The following PLCG2 variants were observed in gnomAD, a reference collection of about 807,000 sequenced individuals.
PLCG2 encodes phospholipase C gamma 2.
PLCG2 carries 69 observed loss-of-function variants against 175.6 expected under a neutral mutation model. The ratio of observed to expected loss-of-function variants is 0.39; its 90% confidence interval spans 0.32 to 0.48. The LOEUF (loss-of-function observed/expected upper bound fraction) is 0.48. Ranked by LOEUF, PLCG2 falls within the 20% of genes least tolerant of loss-of-function variation. The pLI is 0.91. For missense variants in PLCG2, 1,798 were observed against 1,650.9 expected (o/e 1.09, Z -1.54); for synonymous variants, 827 against 624.0 (o/e 1.33, Z -4.85).
chr16:81,934,231 A>G (rs1165191399), intron 25 of PLCG2, among the ~76,000 whole-genome samples, 198 bp from the exon 26 acceptor site: 1 of 152,202 alleles, frequency 6.6e-6, no homozygotes, highest in Non-Finnish European at 1.5e-5. Flanking sequence ...TCGTGGAAAC[A>G]GCTTTGTCGA....
intron 23 of PLCG2, among the ~76,000 whole-genome samples, chr16:81,927,469 C>G (rs16955993): frequency 0.018 from 2,714 of 152,290 alleles, 72 homozygotes; most frequent in African/African-American, 0.063. Flanking sequence ...GGAATTTGTC[C>G]TTTGCTTAAG....
upstream of PLCG2, among the ~76,000 whole-genome samples, chr16:81,778,058 A>AC (rs1567457873): frequency 3.7e-5 from 4 of 109,488 alleles, no homozygotes; most frequent in African/African-American, 8.7e-5. Flanking sequence ...AAAAAAACAA[A>AC]AAAAACCAAA....
intron 2 of PLCG2, among the ~76,000 whole-genome samples, chr16:81,811,263 G>T (rs1021272543): frequency 1.3e-5 from 2 of 152,156 alleles, no homozygotes; most frequent in African/African-American, 4.8e-5. Context: ...CCTTCCTCGT[G>T]TGTGGGTGTA....
At chr16:81,756,507 G>T (rs1289955017) in intron 2 of PLCG2, among the ~76,000 whole-genome samples, 1 of 152,236 alleles carries the variant, frequency 6.6e-6, no homozygotes, top group African/African-American at 2.4e-5. Flanking sequence ...GAGGAGCCAA[G>T]CCTGTACTCA....
chr16:81,851,031 G>T (rs1309464758), intron 2 of PLCG2, among the ~76,000 whole-genome samples: 1 of 152,168 alleles, frequency 6.6e-6, no homozygotes. Context: ...GCTTGTAGTA[G>T]AAGTCCTCAG....
At chr16:81,910,830 C>T (rs1909590782) in intron 18 of PLCG2, 110 bp downstream of exon 18, 2 of 985,232 alleles carry the variant, frequency 2.0e-6, no homozygotes, top group Non-Finnish European at 3.1e-6. Context: ...ACACCCTCTC[C>T]CCAGCCCACC....
At chr16:81,774,536 A>G (rs1192957742), upstream of PLCG2, among the ~76,000 whole-genome samples, 3 of 151,962 alleles carry the variant, frequency 2.0e-5, no homozygotes, top group African/African-American at 7.2e-5. Flanking sequence ...GTCGCCACGG[A>G]TGTGTGCTTC....
At chr16:81,807,361 A>G (rs1904286024) in intron 2 of PLCG2, among the ~76,000 whole-genome samples, 1 of 152,176 alleles carries the variant, frequency 6.6e-6, no homozygotes, top group East Asian at 1.9e-4. Context: ...TGGGCTTCTC[A>G]GATCCTGGGC....
chr16:81,813,195 T>A (rs1037768722), intron 2 of PLCG2, among the ~76,000 whole-genome samples: 8 of 152,204 alleles, frequency 5.3e-5, no homozygotes, highest in African/African-American at 1.9e-4. Context: ...AAGTAGTTTC[T>A]AATTCTGTGA....
chr16:81,934,370 C>A, intron 25 of PLCG2, 59 bp from the exon 26 acceptor site: 1 of 1,036,464 alleles, frequency 9.6e-7, no homozygotes, highest in Non-Finnish European at 1.5e-6. Context: ...AAATGCAGGG[C>A]GAGCTGGGAA....
chr16:81,908,466 G>A lies in PLCG2; in HGVS notation c.1608G>A (p.Lys536=). The part of the protein sequence containing the change: ...LHFGEKWFHK[K]VEKRTSAEKL... Reference sequence around the variant, plus strand: ...TTGGGGAGAAATGGTTCCACAAGAAGGTGGAGAAGAGGACGAGTGCCGAGA... The same window carrying A: ...TTGGGGAGAAATGGTTCCACAAGAAAGTGGAGAAGAGGACGAGTGCCGAGA... The change falls in exon 17 of 33, where the codon AAG becomes AAA. Residue 536 remains lysine, a synonymous_variant. Coordinates refer to ENST00000564138, the MANE Select transcript of PLCG2 (RefSeq NM_002661.5). The A allele has an allele frequency of 6.2e-7, 1 of 1,614,138 alleles. No individual in the cohort carries two copies. Among genetic ancestry groups the A allele is most frequent in the African/African-American group, 1.3e-5 (1 of 75,048 alleles).
chr16:81,803,342 C>T (rs942693738), intron 2 of PLCG2, among the ~76,000 whole-genome samples: 4 of 151,934 alleles, frequency 2.6e-5, no homozygotes, highest in Non-Finnish European at 5.9e-5. Flanking sequence ...GGATGCATCT[C>T]ACTTCTTTAG....
intron 1 of PLCG2, among the ~76,000 whole-genome samples, chr16:81,746,962 A>G (rs920297472): frequency 8.5e-5 from 13 of 152,214 alleles, no homozygotes; most frequent in Admixed American, 2.0e-4. Context: ...GCAAAAACTT[A>G]AGGAAATCTT....
At chr16:81,887,554 C>T (rs932859349) in intron 9 of PLCG2, among the ~76,000 whole-genome samples, 1 of 152,214 alleles carries the variant, frequency 6.6e-6, no homozygotes, top group African/African-American at 2.4e-5. Flanking sequence ...GGCATATTTG[C>T]AAGAGTCAAC....
At chr16:81,776,885 A>G, upstream of PLCG2, among the ~76,000 whole-genome samples, 1 of 152,160 alleles carries the variant, frequency 6.6e-6, no homozygotes, top group Admixed American at 6.5e-5. Context: ...ACCAAGTTAG[A>G]GTTTGAGAAA....
intron 2 of PLCG2, among the ~76,000 whole-genome samples, chr16:81,761,045 C>T (rs546655907): frequency 6.6e-6 from 1 of 152,118 alleles, no homozygotes; most frequent in Non-Finnish European, 1.5e-5. Flanking sequence ...TATAAGTGCG[C>T]ACCACCACAC....
chr16:81,815,308 G>C (rs1387781627), intron 2 of PLCG2, among the ~76,000 whole-genome samples: 1 of 152,134 alleles, frequency 6.6e-6, no homozygotes, highest in Non-Finnish European at 1.5e-5. Flanking sequence ...TCCTCACCAA[G>C]GGGTCTCAGC....
At chr16:81,854,678 G>A in intron 3 of PLCG2, 91 bp downstream of exon 3, 2 of 1,133,838 alleles carry the variant, frequency 1.8e-6, no homozygotes, top group Non-Finnish European at 1.3e-6. Context: ...ACCCCTGCCT[G>A]CTCACTGATG....
At chr16:81,889,336 AG>A (rs1908523950) in intron 10 of PLCG2, 63 bp downstream of exon 10, 1 of 872,776 alleles carries the variant, frequency 1.1e-6, no homozygotes, top group Non-Finnish European at 1.9e-6. Context: ...GTGCTTTCTG[AG>A]GTTTATTTTC....
Sources: gnomAD v4.1 joint callset for allele counts (sites outside exome capture counted in the v4.1 genomes callset) on GRCh38, gnomAD v4.1.1 for gene constraint, MANE v1.5 for transcripts, NCBI Gene and HGNC (gene_info 2026-07-23, HGNC 2026-07-21) for gene names.